The following PLOD1 variants were observed in gnomAD, a reference collection of about 807,000 sequenced individuals.
PLOD1 encodes the protein procollagen-lysine,2-oxoglutarate 5-dioxygenase 1.
Under a neutral mutation model 94.7 loss-of-function variants are expected in PLOD1, and 70 were observed. The ratio of observed to expected loss-of-function variants is 0.74; its 90% CI spans 0.61 to 0.90. The LOEUF (loss-of-function observed/expected upper bound fraction) is 0.90, where lower values mean the gene tolerates loss of function less well. Among genes scored for constraint, PLOD1 ranks in the 40% least tolerant of loss-of-function variants. The probability of loss-of-function intolerance (pLI) is 0.00; values close to 1 mark genes in which losing one functional copy is unlikely to be tolerated. For missense variants in PLOD1, 905 were observed against 972.7 expected (o/e 0.93, Z 0.93); for synonymous variants, 417 against 400.2 (o/e 1.04, Z -0.50).
intron 1 of PLOD1, among the ~76,000 whole-genome samples, chr1:11,935,982 C>T (rs780546473): frequency 3.9e-5 from 6 of 152,032 alleles, no homozygotes; most frequent in Non-Finnish European, 8.8e-5. Flanking sequence ...ACATGTGCCA[C>T]CATGCCCAGC....
chr1:11,969,213 T>A (rs1216128642), intron 16 of PLOD1, among the ~76,000 whole-genome samples: 1 of 151,938 alleles, frequency 6.6e-6, no homozygotes, highest in African/African-American at 2.4e-5. Context: ...GGTCTGAAAC[T>A]CCTGACCTCC....
chr1:11,961,326 A>G (rs934595398), intron 10 of PLOD1, among the ~76,000 whole-genome samples: 3 of 152,196 alleles, frequency 2.0e-5, no homozygotes, highest in South Asian at 2.1e-4. Context: ...TCGAGGTTGC[A>G]TGAGCTATGA....
chr1:11,964,293 C>T lies in PLOD1; in HGVS notation c.1321C>T (p.Arg441Trp), dbSNP rs11553676. The T allele has an allele frequency of 3.6e-4, 190 of 533,970 alleles. No individual in the cohort carries two copies. Among genetic ancestry groups the T allele is most frequent in the East Asian group, 3.0e-4 (5 of 16,448 alleles). The allele number at this position is 533,970 out of a possible 1,614,324, so 33.1% of individuals were successfully genotyped here. ...SEDYVDIVQGRRVGVWNVPYI... is the reference protein window; with the variant it reads ...SEDYVDIVQGWRVGVWNVPYI... Reference sequence around the variant, plus strand: ...GGACTACGTGGACATTGTGCAGGGGCGGCGTGTGTGAGTACCTGCAGGGTG... The same window carrying T: ...GGACTACGTGGACATTGTGCAGGGGTGGCGTGTGTGAGTACCTGCAGGGTG... The change falls in exon 12 of 19, where the codon CGG becomes TGG. Residue 441 changes from arginine to tryptophan, a missense_variant. Transcript: ENST00000196061.
intron 6 of PLOD1, 67 bp from the exon 7 acceptor site, chr1:11,956,850 G>C (rs1645741321): frequency 1.9e-6 from 2 of 1,032,236 alleles, no homozygotes; most frequent in South Asian, 2.5e-5. Flanking sequence ...TTTGAGCCCA[G>C]CTGGTTGGAC....
chr1:11,960,392 G>A (rs944819850), intron 9 of PLOD1, among the ~76,000 whole-genome samples: 1 of 152,180 alleles, frequency 6.6e-6, no homozygotes, highest in East Asian at 1.9e-4. Context: ...GCGTGGTGGC[G>A]GAGCTCTATC....
chr1:11,964,623 C>T (rs575976212), intron 12 of PLOD1, 21 bp from the exon 13 acceptor site: 10 of 1,612,888 alleles, frequency 6.2e-6, no homozygotes, highest in Admixed American at 1.7e-5. Flanking sequence ...GACCCCCACC[C>T]GCTTTCTGTC....
intron 16 of PLOD1, among the ~76,000 whole-genome samples, chr1:11,969,914 C>T (rs1197783148): frequency 6.6e-6 from 1 of 151,644 alleles, no homozygotes; most frequent in Admixed American, 6.6e-5. Flanking sequence ...TAAGACCAGC[C>T]TGGGCAACAT....
intron 4 of PLOD1, among the ~76,000 whole-genome samples, chr1:11,952,062 G>T (rs1645706944): frequency 6.6e-6 from 1 of 152,154 alleles, no homozygotes; most frequent in East Asian, 1.9e-4. Context: ...TTTTCCACTG[G>T]TCCAGAGTAA....
chr1:11,949,633 TG>T, intron 2 of PLOD1, 139 bp from the exon 3 acceptor site: 1 of 776,602 alleles, frequency 1.3e-6, no homozygotes, highest in Non-Finnish European at 2.1e-6. Context: ...TTGGCCAGTC[TG>T]GTCTTGAATT....
rs1569724307 is a variant in PLOD1 at position 11,965,405 on chromosome 1, G to A, written c.1471-75G>A. On this transcript the variant is annotated intron_variant, in intron 13 of 18. Coordinates refer to ENST00000196061, the MANE Select transcript of PLOD1 (RefSeq NM_000302.4). ...GAGGAGGCTGCACTGTTGCCCGTCT[G>A]GGAGCGTGCAGGGGAGGGGTGAGGG... 13 of 884,334 alleles carry A rather than the reference G, an allele frequency of 1.5e-5. No homozygotes were observed. The East Asian group carries it at 2.7e-4, about 18-fold the overall frequency. The allele number at this position is 884,334 out of a possible 1,614,324, so 54.8% of individuals were successfully genotyped here.
chr1:11,935,248 A>C (rs1340823677), intron 1 of PLOD1, among the ~76,000 whole-genome samples: 1 of 152,112 alleles, frequency 6.6e-6, no homozygotes, highest in Non-Finnish European at 1.5e-5. Flanking sequence ...TCCAGAGTTC[A>C]TTCACTTGCC....
At chr1:11,952,476 C>T (rs554839771) in intron 4 of PLOD1, 147 bp from the exon 5 acceptor site, 20 of 693,104 alleles carry the variant, frequency 2.9e-5, no homozygotes, top group South Asian at 8.9e-5. Flanking sequence ...GCCCCACCTC[C>T]TGTCAATTCA....
chr1:11,939,328 T>A (rs2100733694), intron 1 of PLOD1, among the ~76,000 whole-genome samples: 1 of 152,178 alleles, frequency 6.6e-6, no homozygotes, highest in African/African-American at 2.4e-5. Context: ...TGTTCCTGGC[T>A]TCAGTTCAAG....
intron 2 of PLOD1, 78 bp from the exon 3 acceptor site, chr1:11,949,695 C>A: frequency 6.7e-7 from 1 of 1,489,938 alleles, no homozygotes; most frequent in Non-Finnish European, 9.3e-7. Context: ...GCTGGGATTA[C>A]CAGCATGAGC....
intron 1 of PLOD1, among the ~76,000 whole-genome samples, chr1:11,938,684 G>T (rs375405312): frequency 1.3e-5 from 2 of 152,160 alleles, no homozygotes; most frequent in Admixed American, 6.5e-5. Context: ...GTAGGGAAGG[G>T]GATTTGCTGT....
chr1:11,949,444 G>A (rs1645681493), intron 2 of PLOD1, among the ~76,000 whole-genome samples: 1 of 152,036 alleles, frequency 6.6e-6, no homozygotes, highest in Non-Finnish European at 1.5e-5. Context: ...TTTTGAGACG[G>A]AGTGTTGCTC....
At chr1:11,967,941 TTG>T (rs923370133) in intron 16 of PLOD1, among the ~76,000 whole-genome samples, 1 of 150,292 alleles carries the variant, frequency 6.7e-6, no homozygotes, top group Non-Finnish European at 1.5e-5. Flanking sequence ...ATTTATTTAA[TTG>T]TGTGTGTGTA....
Position 11,972,914 on chromosome 1 carries a change from G to A in PLOD1, c.1945G>A (p.Glu649Lys), listed in dbSNP as rs756124891. ...LAFVVRYKPD[E>K]QPSLMPHHDA... ...CTTTGTCGTCCGCTACAAGCCTGAT[G>A]AGCAGCCCTCACTGATGCCACACCA... The change falls in exon 18 of 19, where the codon GAG becomes AAG. Residue 649 changes from glutamate to lysine, a missense_variant. Glu to Lys is a moderately conservative substitution (Grantham distance 56). Coordinates refer to ENST00000196061, the MANE Select transcript of PLOD1 (RefSeq NM_000302.4). The surrounding 1 kb of genome is among the most constrained non-coding windows in gnomAD (Gnocchi z 4.6). 8.1e-6 allele frequency: 13 copies of A among 1,614,068 alleles called. No individual in the cohort carries two copies. The highest frequency in any genetic ancestry group is 1.0e-5 in the Non-Finnish European group (12 of 1,179,986).
chr1:11,937,942 GT>G (rs1645590980), intron 1 of PLOD1, among the ~76,000 whole-genome samples: 1 of 141,136 alleles, frequency 7.1e-6, no homozygotes, highest in African/African-American at 2.6e-5. Flanking sequence ...TTTTTTTTAA[GT>G]TTTCATTTTC....
Sources: gnomAD v4.1 joint callset for allele counts (sites outside exome capture counted in the v4.1 genomes callset) on GRCh38, gnomAD v4.1.1 for gene constraint, Gnocchi (gnomAD v3.1) non-coding constraint, MANE v1.5 for transcripts, NCBI Gene and HGNC (gene_info 2026-07-23, HGNC 2026-07-21) for gene names.